The following PHACTR2 variants were observed in gnomAD, a reference collection of about 807,000 sequenced individuals.
The protein encoded by PHACTR2 is chromosome 6 open reading frame 56.
PHACTR2 carries 30 observed loss-of-function variants against 76.0 expected under a neutral mutation model. That is an observed-to-expected ratio of 0.39 (90% CI 0.30 to 0.54). PHACTR2 has a LOEUF of 0.54. PHACTR2 is among the 20% of genes least tolerant of loss of function. The pLI is 0.61. For synonymous variants in PHACTR2, 292 were observed against 292.5 expected (o/e 1.00, Z 0.02); for missense variants, 696 against 781.1 (o/e 0.89, Z 1.30).
rs1430358412 is a variant in PHACTR2 at position 143,623,499 on chromosome 6, C to T, written c.13+15177C>T. Among the ~76,000 whole-genome samples, 5 of 151,954 alleles carry T rather than the reference C, an allele frequency of 3.3e-5. No individual in the cohort carries two copies. Among genetic ancestry groups the T allele is most frequent in the African/African-American group, 9.7e-5 (4 of 41,344 alleles). On this transcript the variant is annotated intron_variant, in intron 1 of 11. Coordinates refer to the PHACTR2 transcript ENST00000305766. This position sits in a 1 kb window ranked among gnomAD's most constrained non-coding sequence, Gnocchi z 5.9. ...CTGAGGCAGGAGAATCACTTGAGCT[C>T]GGAAGGAGAAGGTTGCAGTGAGCCA...
rs188376853 is a variant in PHACTR2 at position 143,825,831 on chromosome 6, T to C, written c.*2142T>C. The stretch of plus-strand genomic sequence containing the variant: ...CACTCAAAGTATGTTATTGAAAGTT[T>C]CTATTTGGTTGATAAAAGGAACAAT... On this transcript the variant is annotated 3_prime_UTR_variant, in exon 13 of 13. Transcript: ENST00000440869. The surrounding 1 kb of genome is among the most constrained non-coding windows in gnomAD (Gnocchi z 4.1). The C allele has an allele frequency of 2.3e-4, 35 of 152,284 alleles. No individual in the cohort carries two copies. The highest frequency in any genetic ancestry group is 2.2e-3 in the Admixed American group (33 of 15,298). The allele number at this position is 152,284 out of a possible 1,614,324, so 9.4% of individuals were successfully genotyped here. A position where few individuals can be genotyped will look rare whatever the true frequency, so the allele number is the denominator to read the frequency against.
intron 2 of PHACTR2, among the ~76,000 whole-genome samples, chr6:143,744,708 C>G (rs762947477): frequency 6.6e-6 from 1 of 152,050 alleles, no homozygotes; most frequent in African/African-American, 2.4e-5. Flanking sequence ...ACGTGGGAGG[C>G]GGGACAGCCT....
intron 1 of PHACTR2, among the ~76,000 whole-genome samples, chr6:143,626,883 T>G (rs894566000): frequency 1.3e-5 from 2 of 152,214 alleles, no homozygotes; most frequent in African/African-American, 4.8e-5. Flanking sequence ...AGGTATATAT[T>G]CAATTTAATA....
intron 1 of PHACTR2, among the ~76,000 whole-genome samples, chr6:143,563,661 G>T (rs1775316758): frequency 6.6e-6 from 1 of 151,366 alleles, no homozygotes. Flanking sequence ...TTATTTTTCT[G>T]CAAAATCATC....
At chr6:143,724,168 C>T (rs1778505655) in intron 2 of PHACTR2, among the ~76,000 whole-genome samples, 1 of 151,964 alleles carries the variant, frequency 6.6e-6, no homozygotes, top group Non-Finnish European at 1.5e-5. Flanking sequence ...TGGAGTCTCA[C>T]TCTGTCACCC....
chr6:143,677,927 C>G (rs939444850), upstream of PHACTR2: 9 of 1,150,864 alleles, frequency 7.8e-6, no homozygotes, highest in African/African-American at 1.3e-4. Flanking sequence ...CCCCCGTGAC[C>G]CCTGACCCCA....
intron 1 of PHACTR2, among the ~76,000 whole-genome samples, chr6:143,568,097 ATT>A (rs367677860): frequency 5.9e-5 from 9 of 152,110 alleles, no homozygotes; most frequent in Admixed American, 2.0e-4. Flanking sequence ...CTTTACCTTG[ATT>A]TTTTTAAAAA....
chr6:143,694,549 C>T (rs927508199), intron 1 of PHACTR2, among the ~76,000 whole-genome samples: 2 of 152,140 alleles, frequency 1.3e-5, no homozygotes, highest in African/African-American at 4.8e-5. Flanking sequence ...TATAGTCTTC[C>T]TTTTCTGTGT....
intron 1 of PHACTR2, among the ~76,000 whole-genome samples, chr6:143,559,008 AT>A (rs2128428808): frequency 6.6e-6 from 1 of 152,304 alleles, no homozygotes; most frequent in East Asian, 1.9e-4. Flanking sequence ...TCAGAAGCAG[AT>A]ATGGTAGCTT....
intron 2 of PHACTR2, among the ~76,000 whole-genome samples, chr6:143,714,999 T>C (rs573577001): frequency 6.6e-6 from 1 of 152,174 alleles, no homozygotes; most frequent in Non-Finnish European, 1.5e-5. Context: ...CTTATCACAG[T>C]GTATTACCAT....
rs1775062366 is a variant in PHACTR2, at chr6:143,549,740, G to A, written c.217+12533G>A. Among the ~76,000 whole-genome samples, 1 of 151,856 alleles carries A rather than the reference G, an allele frequency of 6.6e-6. No individual in the cohort carries two copies. The highest frequency in any genetic ancestry group is 1.9e-4 in the East Asian group (1 of 5,186). On this transcript the variant is annotated intron_variant, in intron 1 of 11. Coordinates refer to the PHACTR2 transcript ENST00000367584. This position sits in a 1 kb window ranked among gnomAD's most constrained non-coding sequence, Gnocchi z 4.2. ...TCTGCACACGCCTACTTTAACAGTTGCTCATTGAGCCTTCTTCTAAGGCTT... is the reference window on the plus strand; with the variant it reads ...TCTGCACACGCCTACTTTAACAGTTACTCATTGAGCCTTCTTCTAAGGCTT...
chr6:143,537,200 C>A lies in PHACTR2; in HGVS notation c.210C>A (p.Ser70=), dbSNP rs1218650531. ...GCCGCCCGCTCCGGGTCCACATCTC[C>A]GGCTCAGGTAAGAGCGGCTCGGGGC... is the stretch of plus-strand genomic sequence containing the variant. The change falls in exon 1 of 12, where the codon TCC becomes TCA. Residue 70 remains serine (S), a synonymous_variant. Transcript: ENST00000367584. The surrounding 1 kb of genome is among the most constrained non-coding windows in gnomAD (Gnocchi z 4.4). 8 of 286,962 alleles carry A rather than the reference C, an allele frequency of 2.8e-5. No homozygotes were observed. Among genetic ancestry groups the A allele is most frequent in the Non-Finnish European group, 4.8e-5 (7 of 147,132 alleles). The allele number at this position is 286,962 out of a possible 1,614,324, so 17.8% of individuals were successfully genotyped here.
In PHACTR2 at chr6:143,654,198, C is replaced by A. The variant is rs1384271678; in HGVS notation, c.13+45876C>A. ...ATGGGAATGTCTATAATCAGAAAGA[C>A]AGGTAATAACAAGTGTTTGCAAGGA... On this transcript the variant is annotated intron_variant, in intron 1 of 11. Coordinates refer to the PHACTR2 transcript ENST00000305766. The surrounding 1 kb of genome is among the most constrained non-coding windows in gnomAD (Gnocchi z 4.6). 1.3e-5 allele frequency among the ~76,000 whole-genome samples: 2 copies of A among 152,116 alleles called. No homozygotes were observed. The highest frequency in any genetic ancestry group is 2.9e-5 in the Non-Finnish European group (2 of 68,010).
chr6:143,764,628 A>G lies in PHACTR2; in HGVS notation c.695-633A>G, dbSNP rs569225568. Among the ~76,000 whole-genome samples, 91 of 151,970 alleles carry G rather than the reference A, an allele frequency of 6.0e-4. 1 individual carries two copies. Among genetic ancestry groups the G allele is most frequent in the African/African-American group, 2.1e-3 (88 of 41,410 alleles). On this transcript the variant is annotated intron_variant, in intron 5 of 12. Coordinates refer to ENST00000440869, the MANE Select transcript of PHACTR2 (RefSeq NM_001100164.2). The surrounding 1 kb of genome is among the most constrained non-coding windows in gnomAD (Gnocchi z 4.7). The stretch of plus-strand genomic sequence containing the variant: ...GGGAGTGTACCTTTCCTGTGTGGCC[A>G]TGGGTTTTCCCTTTACCCCATCTCT...
chr6:143,549,235 G>T lies in PHACTR2; in HGVS notation c.217+12028G>T, dbSNP rs887504426. Among the ~76,000 whole-genome samples, 1 of 152,038 alleles carries T rather than the reference G, an allele frequency of 6.6e-6. No homozygotes were observed. Among genetic ancestry groups the T allele is most frequent in the African/African-American group, 2.4e-5 (1 of 41,436 alleles). The stretch of plus-strand genomic sequence containing the variant: ...GATTAATAGTGGGCCTCACATGGCA[G>T]ATCAGGCCTAGGTCTCTTCCCAAAT... On this transcript the variant is annotated intron_variant, in intron 1 of 11. Transcript: ENST00000367584. The surrounding 1 kb of genome is among the most constrained non-coding windows in gnomAD (Gnocchi z 4.2).
chr6:143,580,329 C>T lies in PHACTR2; in HGVS notation c.217+43122C>T, dbSNP rs1253321756. 6.6e-6 allele frequency among the ~76,000 whole-genome samples: 1 copy of T among 152,056 alleles called. No homozygotes were observed. Among genetic ancestry groups the T allele is most frequent in the Non-Finnish European group, 1.5e-5 (1 of 68,006 alleles). On this transcript the variant is annotated intron_variant, in intron 1 of 11. Coordinates refer to the PHACTR2 transcript ENST00000367584. This position sits in a 1 kb window ranked among gnomAD's most constrained non-coding sequence, Gnocchi z 4.2. ...TGAAACCCCGTCTCTACTAAAAATA[C>T]AAAAAATTAGCCCGGCTTGGTGGCG...
At chr6:143,594,730 G>A (rs558572303) in intron 1 of PHACTR2, among the ~76,000 whole-genome samples, 8 of 152,376 alleles carry the variant, frequency 5.3e-5, no homozygotes, top group Non-Finnish European at 1.0e-4. Flanking sequence ...CTAGCCAGCC[G>A]CACATGGGCT....
In PHACTR2 at chr6:143,554,801, T is replaced by C. The variant is rs573783645; in HGVS notation, c.217+17594T>C. 4.6e-5 allele frequency: 7 copies of C among 152,316 alleles called. No individual in the cohort carries two copies. Among genetic ancestry groups the C allele is most frequent in the African/African-American group, 9.6e-5 (4 of 41,576 alleles). 9.4% of individuals were successfully genotyped at this position (152,316 alleles called of 1,614,324 possible). A position where few individuals can be genotyped will look rare whatever the true frequency, so the allele number is the denominator to read the frequency against. On this transcript the variant is annotated intron_variant, in intron 1 of 11. Transcript: ENST00000367584. This position sits in a 1 kb window ranked among gnomAD's most constrained non-coding sequence, Gnocchi z 5.9. ...TAATTTTGTCTTTCCCTGATTACTA[T>C]TGAACCTAGGAAATATTTTATATTA...
intron 11 of PHACTR2, among the ~76,000 whole-genome samples, chr6:143,790,718 GGCTGGAGT>G (rs1296302808): frequency 6.8e-6 from 1 of 147,846 alleles, no homozygotes; most frequent in Admixed American, 6.9e-5. Flanking sequence ...CTGTCACCCA[GGCTGGAGT>G]GCTGTGGCTC....
Sources: allele counts gnomAD v4.1 joint callset (sites outside exome capture counted in the v4.1 genomes callset), GRCh38; gene constraint gnomAD v4.1.1; non-coding constraint Gnocchi (gnomAD v3.1); transcripts MANE v1.5; gene names NCBI Gene and HGNC (gene_info 2026-07-23, HGNC 2026-07-21).